SMARCA5: variants seen among roughly 807,000 people sequenced by gnomAD.
The protein encoded by SMARCA5 is SWI/SNF-related matrix-associated actin-dependent regulator of chromatin subfamily A member 5.
A neutral mutation model predicts 140.4 loss-of-function variants in SMARCA5; 18 were observed. The ratio of observed to expected loss-of-function variants is 0.13; its 90% confidence interval spans 0.09 to 0.19. The LOEUF (loss-of-function observed/expected upper bound fraction) is 0.19, where lower values mean the gene tolerates loss of function less well. Among genes scored for constraint, SMARCA5 ranks in the 10% least tolerant of loss-of-function variants. SMARCA5 has a pLI of 1.00. For missense variants in SMARCA5, 606 were observed against 1,276.8 expected (o/e 0.47, Z 8.01); for synonymous variants, 449 against 419.6 (o/e 1.07, Z -0.86).
intron 6 of SMARCA5, among the ~76,000 whole-genome samples, chr4:143,527,059 ATG>A (rs1395322149): frequency 1.3e-5 from 2 of 152,194 alleles, no homozygotes; most frequent in African/African-American, 4.8e-5. Flanking sequence ...TTTTAGATGA[ATG>A]TGTGTAGTGG....
At chr4:143,528,802 A>G (rs1737124623) in intron 8 of SMARCA5, 88 bp downstream of exon 8, 2 of 1,177,314 alleles carry the variant, frequency 1.7e-6, no homozygotes, top group South Asian at 1.5e-5. Context: ...GCCTTTTAGC[A>G]TGGCTTGAGG....
At chr4:143,542,165 C>CT (rs1036983336) in intron 14 of SMARCA5, among the ~76,000 whole-genome samples, 3 of 152,026 alleles carry the variant, frequency 2.0e-5, no homozygotes, top group Admixed American at 6.6e-5. Flanking sequence ...GTCCAAAACA[C>CT]TTTTTTTAAA....
intron 17 of SMARCA5, among the ~76,000 whole-genome samples, chr4:143,545,116 T>A (rs913376552): frequency 3.9e-5 from 6 of 152,036 alleles, no homozygotes; most frequent in Non-Finnish European, 5.9e-5. Context: ...CTAATTTTTG[T>A]AATTTTAGTA....
At chr4:143,535,458 G>T (rs1284091847) in intron 10 of SMARCA5, among the ~76,000 whole-genome samples, 1 of 152,116 alleles carries the variant, frequency 6.6e-6, no homozygotes, top group Non-Finnish European at 1.5e-5. Context: ...CTTAAATTTT[G>T]ATAAGTATTT....
intron 5 of SMARCA5, among the ~76,000 whole-genome samples, chr4:143,526,065 G>C (rs1737066489): frequency 6.6e-6 from 1 of 152,146 alleles, no homozygotes; most frequent in South Asian, 2.1e-4. Context: ...CACTTAAACG[G>C]GGCCTTATGC....
chr4:143,523,059 G>C (rs960600463), intron 3 of SMARCA5, among the ~76,000 whole-genome samples: 1 of 152,120 alleles, frequency 6.6e-6, no homozygotes, highest in South Asian at 2.1e-4. Context: ...TATTGAGACA[G>C]AGTCTTGCTC....
Position 143,528,718 on chromosome 4 carries a change from A to T in SMARCA5, c.1089+4A>T, listed in dbSNP as rs370784205. The T allele has an allele frequency of 6.2e-7, 1 of 1,607,028 alleles. No individual in the cohort carries two copies. ...AGATGTGTTTAATTCAGCAGATGTA[A>T]GTATTTCCTGGTGCTTTCTGGTTAA... On this transcript the variant is annotated splice_donor_region_variant and intron_variant, in intron 8 of 23. Coordinates refer to ENST00000283131, the MANE Select transcript of SMARCA5 (RefSeq NM_003601.4).
At chr4:143,528,080 A>AT (rs945826049) in intron 7 of SMARCA5, 57 bp downstream of exon 7, 681 of 1,366,670 alleles carry the variant, frequency 5.0e-4, no homozygotes, top group Middle Eastern at 7.7e-4. Flanking sequence ...TAAAGTACAG[A>AT]TTTTTTTTTC....
At chr4:143,537,964 C>T (rs565427231) in intron 11 of SMARCA5, among the ~76,000 whole-genome samples, 4 of 151,298 alleles carry the variant, frequency 2.6e-5, no homozygotes, top group Admixed American at 6.6e-5. Flanking sequence ...GGTGCAGGAA[C>T]GTGTGACAAC....
rs944155202 is a variant in SMARCA5 at position 143,555,087 on chromosome 4, ATCT to A, written c.*1907_*1909del. The stretch of plus-strand genomic sequence containing the variant: ...CTTTTGTTTCCTGGCAGTAATTAAA[ATCT>A]TCTGTCAGTGCCACAGCTACTACTG... On this transcript the variant is annotated 3_prime_UTR_variant, in exon 24 of 24. Coordinates refer to ENST00000283131, the MANE Select transcript of SMARCA5 (RefSeq NM_003601.4). The A allele has an allele frequency of 4.1e-5, 26 of 628,610 alleles. No homozygotes were observed. The highest frequency in any genetic ancestry group is 3.8e-4 in the African/African-American group (21 of 55,888). 38.9% of individuals were successfully genotyped at this position (628,610 alleles called of 1,614,324 possible).
At chr4:143,529,325 A>G (rs772041238) in intron 8 of SMARCA5, among the ~76,000 whole-genome samples, 7 of 152,168 alleles carry the variant, frequency 4.6e-5, no homozygotes, top group Non-Finnish European at 8.8e-5. Flanking sequence ...ACTTTGTTTC[A>G]GTGGCTCTAG....
chr4:143,553,035 T>C, intron 23 of SMARCA5, 84 bp from the exon 24 acceptor site: 2 of 1,011,064 alleles, frequency 2.0e-6, no homozygotes, highest in Non-Finnish European at 3.1e-6. Context: ...GTAGTTGTTA[T>C]TACTAAAGTG....
In SMARCA5 at chr4:143,543,962, A is replaced by G. The variant is rs762774070; in HGVS notation, c.2162A>G (p.Glu721Gly). 1.3e-6 allele frequency: 2 copies of G among 1,564,316 alleles called. No individual in the cohort carries two copies. The highest frequency in any genetic ancestry group is 2.0e-5 in the Admixed American group (1 of 50,442). The change falls in exon 16 of 24, where the codon GAA (glutamate) becomes GGA (glycine). Residue 721 changes from glutamate (E) to glycine (G), a missense_variant. Physicochemically the swap from Glu to Gly is moderately conservative, Grantham distance 98. Coordinates refer to ENST00000283131, the MANE Select transcript of SMARCA5 (RefSeq NM_003601.4). The part of the protein sequence containing the change: ...VYNFEGEDYR[E>G]KQKIAFTEWI... Reference sequence around the variant, plus strand: ...AACTTCGAAGGAGAAGACTATAGAGAAAAACAAAAGGTAATTTAGAAATAG... The same window carrying G: ...AACTTCGAAGGAGAAGACTATAGAGGAAAACAAAAGGTAATTTAGAAATAG...
chr4:143,532,493 A>G (rs530741032), intron 9 of SMARCA5, among the ~76,000 whole-genome samples: 30 of 152,310 alleles, frequency 2.0e-4, no homozygotes, highest in African/African-American at 7.2e-4. Context: ...TTATGAAGTC[A>G]GGGAGAAGAG....
chr4:143,536,776 C>T (rs1285166270), intron 11 of SMARCA5, 98 bp downstream of exon 11: 13 of 825,046 alleles, frequency 1.6e-5, no homozygotes, highest in Non-Finnish European at 2.4e-5. Flanking sequence ...TGATGCTTTC[C>T]AAGGTTGACG....
chr4:143,547,801 TGAA>T (rs780294072), intron 21 of SMARCA5, 124 bp from the exon 22 acceptor site: 5 of 585,194 alleles, frequency 8.5e-6, no homozygotes, highest in Non-Finnish European at 1.2e-5. Flanking sequence ...ATAAAGCAAT[TGAA>T]GTGCTCTAGA....
Position 143,544,748 on chromosome 4 carries a change from A to G in SMARCA5, c.2184A>G (p.Thr728=). Reference sequence around the variant, plus strand: ...TTCCCATGTGCTAGATTGCATTCACAGAGTGGATTGAACCACCTAAACGAG... The same window carrying G: ...TTCCCATGTGCTAGATTGCATTCACGGAGTGGATTGAACCACCTAAACGAG... The part of the protein sequence containing the change: ...DYREKQKIAF[T]EWIEPPKRER... Residue 728 remains threonine, a synonymous_variant, in exon 17 of 24, where the codon ACA becomes ACG. Coordinates refer to ENST00000283131, the MANE Select transcript of SMARCA5 (RefSeq NM_003601.4). The G allele has an allele frequency of 6.2e-7, 1 of 1,601,396 alleles. No individual in the cohort carries two copies. Among genetic ancestry groups the G allele is most frequent in the Non-Finnish European group, 8.5e-7 (1 of 1,171,960 alleles).
chr4:143,546,835 G>C lies in SMARCA5; in HGVS notation c.2580G>C (p.Trp860Cys). ...FNQFIKANEK[W>C]GRDDIENIAR... Reference sequence around the variant, plus strand: ...AGTTTATCAAAGCTAATGAGAAGTGGGGTCGTGATGATATTGAAAATATAG... The same window carrying C: ...AGTTTATCAAAGCTAATGAGAAGTGCGGTCGTGATGATATTGAAAATATAG... The change falls in exon 20 of 24, where the codon TGG becomes TGC. Residue 860 changes from tryptophan (W) to cysteine (C), a missense_variant. Physicochemically the swap from Trp to Cys is radical, Grantham distance 215. This residue lies in a region of SMARCA5 where 121 missense variants were observed against 227.1 expected (regional missense o/e 0.53). Coordinates refer to ENST00000283131, the MANE Select transcript of SMARCA5 (RefSeq NM_003601.4). 1 of 1,612,012 alleles carries C rather than the reference G, an allele frequency of 6.2e-7. No individual in the cohort carries two copies. The highest frequency in any genetic ancestry group is 8.5e-7 in the Non-Finnish European group (1 of 1,178,406).
rs1248238068 is a variant in SMARCA5, at chr4:143,545,484, A to C, written c.2298A>C (p.Pro766=). 3.1e-6 allele frequency: 5 copies of C among 1,611,286 alleles called. No individual in the cohort carries two copies. Among genetic ancestry groups the C allele is most frequent in the Non-Finnish European group, 4.2e-6 (5 of 1,178,226 alleles). Residue 766 remains proline (P), a synonymous_variant, in exon 18 of 24, where the codon CCA becomes CCC. Transcript: ENST00000283131. ...TTTTTCTTTAGGCTCCTCGACCTCC[A>C]AAACAACCCAATGTTCAGGATTTCC... The part of the protein sequence containing the change: ...EPKAPKAPRP[P]KQPNVQDFQF...
Sources: gnomAD v4.1 joint callset for allele counts (sites outside exome capture counted in the v4.1 genomes callset) on GRCh38, gnomAD v4.1.1 for gene constraint, gnomAD v4.1.1 regional missense constraint, MANE v1.5 for transcripts, NCBI Gene and HGNC (gene_info 2026-07-23, HGNC 2026-07-21) for gene names.